SLCO3A1: variants seen among roughly 807,000 people sequenced by gnomAD.
SLCO3A1 encodes the protein PGE1 transporter.
Under a neutral mutation model 63.1 loss-of-function variants are expected in SLCO3A1, and 27 were observed. That is an observed-to-expected ratio of 0.43 (90% CI 0.32 to 0.59). The LOEUF (loss-of-function observed/expected upper bound fraction) is 0.59, where lower values mean the gene tolerates loss of function less well. SLCO3A1 is among the 20% of genes least tolerant of loss of function. SLCO3A1 has a pLI of 0.09. For missense variants in SLCO3A1, 773 were observed against 945.8 expected (o/e 0.82, Z 2.40); for synonymous variants, 473 against 409.9 (o/e 1.15, Z -1.86).
At chr15:92,052,408 C>T (rs1464264124) in intron 2 of SLCO3A1, among the ~76,000 whole-genome samples, 1 of 152,104 alleles carries the variant, frequency 6.6e-6, no homozygotes, top group African/African-American at 2.4e-5. Flanking sequence ...CTTCTGGCTT[C>T]CAGAGCATAA....
In SLCO3A1 at chr15:91,925,849, C is replaced by T. The variant is rs76670013; in HGVS notation, c.646+9391C>T. ...AAAGGGCTTCCTAGATCCAGCCGTG[C>T]TTGAAGCTAGCATCTAGCCCTTAGA... On this transcript the variant is annotated intron_variant, in intron 2 of 9. Coordinates refer to ENST00000318445, the MANE Select transcript of SLCO3A1 (RefSeq NM_013272.4). Among the ~76,000 whole-genome samples, 180 of 152,292 alleles carry T rather than the reference C, an allele frequency of 1.2e-3. 2 individuals carry two copies. In the East Asian group the frequency reaches 0.03, roughly 25 times the overall value.
intron 2 of SLCO3A1, among the ~76,000 whole-genome samples, chr15:92,025,041 GCATCTATC>G (rs1260745572): frequency 2.0e-5 from 3 of 152,046 alleles, no homozygotes; most frequent in South Asian, 2.1e-4. Context: ...ATCCATCCAT[GCATCTATC>G]CATCTATCCA....
intron 4 of SLCO3A1, among the ~76,000 whole-genome samples, chr15:92,115,865 A>T (rs1463094818): frequency 6.8e-6 from 1 of 146,792 alleles, no homozygotes; most frequent in South Asian, 2.2e-4. Context: ...TCCATGCCAG[A>T]TCTGGTCATT....
At chr15:92,110,525 T>C (rs1390638728) in intron 4 of SLCO3A1, among the ~76,000 whole-genome samples, 2 of 152,144 alleles carry the variant, frequency 1.3e-5, no homozygotes, top group Non-Finnish European at 2.9e-5. Context: ...TACCCCAGGC[T>C]CCTTTCCTCC....
intron 2 of SLCO3A1, among the ~76,000 whole-genome samples, chr15:92,049,023 T>C (rs1185853585): frequency 2.0e-5 from 3 of 152,220 alleles, no homozygotes; most frequent in African/African-American, 7.2e-5. Context: ...AGAGGTTATA[T>C]GTGAAAGGAT....
chr15:92,155,212 T>C (rs538912988), intron 9 of SLCO3A1: 1 of 152,378 alleles, frequency 6.6e-6, no homozygotes, highest in South Asian at 2.1e-4. Context: ...CTACTCCTTT[T>C]CTCTCCAGGC....
intron 1 of SLCO3A1, among the ~76,000 whole-genome samples, chr15:91,861,216 G>A (rs1265171913): frequency 6.6e-6 from 1 of 152,226 alleles, no homozygotes; most frequent in Non-Finnish European, 1.5e-5. Context: ...GGGAGGAATT[G>A]TGTGTAAAGC....
chr15:91,857,656 C>T (rs1241810180), intron 1 of SLCO3A1, among the ~76,000 whole-genome samples: 1 of 152,062 alleles, frequency 6.6e-6, no homozygotes, highest in Non-Finnish European at 1.5e-5. Flanking sequence ...TTGTGTGTGC[C>T]TATTGGTGTT....
intron 9 of SLCO3A1, among the ~76,000 whole-genome samples, chr15:92,155,892 T>TTCCACAATACCACTA (rs1436434302): frequency 9.2e-5 from 14 of 152,248 alleles, no homozygotes; most frequent in Middle Eastern, 6.8e-3. Flanking sequence ...TGAGCTTAGC[T>TTCCACAATACCACTA]TCCACAATAC....
intron 2 of SLCO3A1, among the ~76,000 whole-genome samples, chr15:92,036,453 G>C (rs2046728552): frequency 6.7e-6 from 1 of 150,308 alleles, no homozygotes; most frequent in African/African-American, 2.5e-5. Flanking sequence ...TCTAGCTCCT[G>C]GGAGCTGCCT....
chr15:91,982,678 G>A (rs2046002627), intron 2 of SLCO3A1, among the ~76,000 whole-genome samples: 1 of 152,238 alleles, frequency 6.6e-6, no homozygotes, highest in African/African-American at 2.4e-5. Flanking sequence ...TAAGGAAGAT[G>A]CGTGTCCTGG....
At chr15:92,125,989 C>T in intron 5 of SLCO3A1, 72 bp from the exon 6 acceptor site, 1 of 1,356,908 alleles carries the variant, frequency 7.4e-7, no homozygotes, top group South Asian at 1.2e-5. Flanking sequence ...AGCCTCAGGC[C>T]TGCTGCCCGC....
intron 2 of SLCO3A1, among the ~76,000 whole-genome samples, chr15:92,086,157 C>G (rs1344737960): frequency 6.6e-6 from 1 of 152,182 alleles, no homozygotes; most frequent in Non-Finnish European, 1.5e-5. Flanking sequence ...TTACCAAGGA[C>G]TCAGAATTGT....
chr15:92,106,206 G>T (rs1362985303), intron 4 of SLCO3A1, among the ~76,000 whole-genome samples: 3 of 152,196 alleles, frequency 2.0e-5, no homozygotes, highest in Admixed American at 1.3e-4. Context: ...CTGGCCCCAT[G>T]TTCCATGATG....
intron 3 of SLCO3A1, among the ~76,000 whole-genome samples, chr15:92,102,988 GGGGAAGGTTGGC>G (rs1302512451): frequency 2.0e-5 from 3 of 152,226 alleles, no homozygotes; most frequent in African/African-American, 7.2e-5. Context: ...GTAGAGTTAT[GGGGAAGGTTGGC>G]TGGAACAGTT....
At position 91,995,230 on chromosome 15, in the gene SLCO3A1, G is replaced by A. The variant is rs77754046; in HGVS notation, c.646+78772G>A. On this transcript the variant is annotated intron_variant, in intron 2 of 9. Coordinates refer to ENST00000318445, the MANE Select transcript of SLCO3A1 (RefSeq NM_013272.4). ...CGGGAGAGCAGCATAAGCAGAGGAA[G>A]GCACAGAGACCTGGGTTCAAATCCC... is the stretch of plus-strand genomic sequence containing the variant. Among the ~76,000 whole-genome samples, 422 of 152,254 alleles carry A rather than the reference G, an allele frequency of 2.8e-3. 1 individual carries two copies. Among genetic ancestry groups the A allele is most frequent in the African/African-American group, 9.7e-3 (405 of 41,548 alleles).
intron 2 of SLCO3A1, among the ~76,000 whole-genome samples, chr15:91,981,860 C>T (rs1335960080): frequency 2.6e-5 from 4 of 152,242 alleles, no homozygotes; most frequent in East Asian, 1.9e-4. Context: ...GTCTTGTCCC[C>T]TTACCAGTGG....
At chr15:92,042,861 C>G (rs1220567933) in intron 2 of SLCO3A1, among the ~76,000 whole-genome samples, 1 of 152,044 alleles carries the variant, frequency 6.6e-6, no homozygotes, top group African/African-American at 2.4e-5. Context: ...AGTTTCCACC[C>G]CTAGGGTGTC....
At chr15:92,038,889 C>T (rs58202065) in intron 2 of SLCO3A1, among the ~76,000 whole-genome samples, 1 of 152,146 alleles carries the variant, frequency 6.6e-6, no homozygotes, top group Non-Finnish European at 1.5e-5. Flanking sequence ...CAGCATGGTA[C>T]TGGTACCAAA....
Sources: allele counts gnomAD v4.1 joint callset (sites outside exome capture counted in the v4.1 genomes callset), GRCh38; gene constraint gnomAD v4.1.1; transcripts MANE v1.5; gene names NCBI Gene and HGNC (gene_info 2026-07-23, HGNC 2026-07-21).